EMC8: variants seen among roughly 807,000 people sequenced by gnomAD.
The protein encoded by EMC8 is COX4 neighbor.
In EMC8, 11 loss-of-function variants were observed where a neutral mutation model predicts 24.3. The observed-to-expected ratio is 0.45, with a 90% CI of 0.28 to 0.75. The LOEUF (loss-of-function observed/expected upper bound fraction) is 0.75, where lower values mean the gene tolerates loss of function less well. EMC8 is among the 30% of genes least tolerant of loss of function. EMC8 has a pLI of 0.12. For missense variants in EMC8, 277 were observed against 282.7 expected (o/e 0.98, Z 0.14); for synonymous variants, 145 against 117.7 (o/e 1.23, Z -1.50).
At chr16:85,795,276 C>T (rs996490707) in intron 1 of EMC8, among the ~76,000 whole-genome samples, 5 of 152,252 alleles carry the variant, frequency 3.3e-5, no homozygotes, top group Non-Finnish European at 7.3e-5. Flanking sequence ...CCAGCAGCCA[C>T]CACACCTTCT....
chr16:85,785,905 G>C (rs1371340360), intron 2 of EMC8, among the ~76,000 whole-genome samples: 1 of 152,254 alleles, frequency 6.6e-6, no homozygotes, highest in Non-Finnish European at 1.5e-5. Flanking sequence ...AGGGCTCTCT[G>C]CCGGGCACCG....
chr16:85,788,811 G>C, intron 2 of EMC8, 163 bp downstream of exon 2: 1 of 627,110 alleles, frequency 1.6e-6, no homozygotes. Flanking sequence ...TCTGTTGTTT[G>C]GAATTATCCA....
intron 3 of EMC8, chr16:85,780,799 C>T: frequency 2.2e-6 from 1 of 462,474 alleles, no homozygotes. Context: ...ACCTTCCTTC[C>T]CTGTGCCCCT....
Position 85,799,487 on chromosome 16 carries a change from C to G in EMC8, c.-192G>C. The G allele has an allele frequency of 2.5e-6, 1 of 400,984 alleles. No homozygotes were observed. The highest frequency in any genetic ancestry group is 2.1e-5 in the African/African-American group (1 of 47,964). The allele number at this position is 400,984 out of a possible 1,614,324, so 24.8% of individuals were successfully genotyped here. On this transcript the variant is annotated 5_prime_UTR_variant, in exon 1 of 5. Transcript: ENST00000253457. The surrounding 1 kb of genome is among the most constrained non-coding windows in gnomAD (Gnocchi z 4.2). ...GCTCCTGGAAAAGCGACTCGCGCCTCTGGGAAGCCGCAGCCCCAGACTCCA... is the reference window on the plus strand; with the variant it reads ...GCTCCTGGAAAAGCGACTCGCGCCTGTGGGAAGCCGCAGCCCCAGACTCCA...
intron 4 of EMC8, 79 bp from the exon 5 acceptor site, chr16:85,779,946 C>G: frequency 8.4e-7 from 1 of 1,191,644 alleles, no homozygotes; most frequent in South Asian, 1.3e-5. Context: ...AGAAGGCCAG[C>G]CACATGCACA....
In EMC8 at chr16:85,799,027, G is replaced by A. The variant is rs545020654; in HGVS notation, c.231+38C>T. On this transcript the variant is annotated intron_variant, in intron 1 of 4. Coordinates refer to ENST00000253457, the MANE Select transcript of EMC8 (RefSeq NM_006067.5). The surrounding 1 kb of genome is among the most constrained non-coding windows in gnomAD (Gnocchi z 4.2). Reference sequence around the variant, plus strand: ...CTCTCTGCTGACTGAGGGGAGGCCAGGCTGCCTGCAAGGGGAAGGGGCCCT... The same window carrying A: ...CTCTCTGCTGACTGAGGGGAGGCCAAGCTGCCTGCAAGGGGAAGGGGCCCT... 31 of 1,398,248 alleles carry A rather than the reference G, an allele frequency of 2.2e-5. No individual in the cohort carries two copies. In the East Asian group the frequency reaches 7.0e-4, roughly 32 times the overall value. 86.6% of individuals were successfully genotyped at this position (1,398,248 alleles called of 1,614,324 possible).
In EMC8 at chr16:85,790,665, C is replaced by T. The variant is rs552762779; in HGVS notation, c.232-1615G>A. Among the ~76,000 whole-genome samples, 8 of 152,264 alleles carry T rather than the reference C, an allele frequency of 5.3e-5. No homozygotes were observed. The South Asian group carries it at 1.7e-3, about 32-fold the overall frequency. On this transcript the variant is annotated intron_variant, in intron 1 of 4. Transcript: ENST00000253457. ...CCAGCCTTCATGTGCCATCATGGGC[C>T]GGCCTCCTGAGTGTGTCCTCCCCTA...
rs781163506 is a variant in EMC8, at chr16:85,799,250, G to A, written c.46C>T (p.Leu16=). 7.4e-6 allele frequency: 12 copies of A among 1,612,486 alleles called. No homozygotes were observed. Among genetic ancestry groups the A allele is most frequent in the Non-Finnish European group, 6.8e-6 (8 of 1,179,852 alleles). The change falls in exon 1 of 5, where the codon CTG becomes TTG. Residue 16 remains leucine, a synonymous_variant. Coordinates refer to ENST00000253457, the MANE Select transcript of EMC8 (RefSeq NM_006067.5). The surrounding 1 kb of genome is among the most constrained non-coding windows in gnomAD (Gnocchi z 4.2). ...CAGTGCGGGTACTTGGCGCCGTGCAGCACCATCTTGCAGTAGGCCTGGGTG... is the reference window on the plus strand; with the variant it reads ...CAGTGCGGGTACTTGGCGCCGTGCAACACCATCTTGCAGTAGGCCTGGGTG... ...LTTQAYCKMV[L]HGAKYPHCAV...
At chr16:85,782,802 C>A (rs1904570593) in intron 2 of EMC8, among the ~76,000 whole-genome samples, 1 of 152,180 alleles carries the variant, frequency 6.6e-6, no homozygotes, top group Admixed American at 6.5e-5. Context: ...GCAGGCCAGT[C>A]CATTTCCAGC....
intron 1 of EMC8, among the ~76,000 whole-genome samples, chr16:85,794,942 C>T (rs1233838484): frequency 6.6e-6 from 1 of 152,196 alleles, no homozygotes; most frequent in African/African-American, 2.4e-5. Context: ...GTCACTGTCC[C>T]CTCTGGGCAT....
At position 85,779,310 on chromosome 16, in the gene EMC8, C is replaced by T. The variant is rs969044923; in HGVS notation, c.*398G>A. ...AACAGGATAAAAACTCACAAACACA[C>T]TCATTGGAGTATAAGATGTGGGCTT... On this transcript the variant is annotated 3_prime_UTR_variant, in exon 5 of 5. Transcript: ENST00000253457. 23 of 164,582 alleles carry T rather than the reference C, an allele frequency of 1.4e-4. No individual in the cohort carries two copies. The highest frequency in any genetic ancestry group is 2.0e-4 in the Non-Finnish European group (15 of 76,668). The allele number at this position is 164,582 out of a possible 1,614,324, so 10.2% of individuals were successfully genotyped here.
chr16:85,794,280 G>C (rs1374724269), intron 1 of EMC8, among the ~76,000 whole-genome samples: 1 of 152,170 alleles, frequency 6.6e-6, no homozygotes, highest in Non-Finnish European at 1.5e-5. Flanking sequence ...TTTGTGGATG[G>C]ACTCCAGCTG....
At chr16:85,798,978 G>T in intron 1 of EMC8, 87 bp downstream of exon 1, 1 of 977,440 alleles carries the variant, frequency 1.0e-6, no homozygotes, top group Non-Finnish European at 1.5e-6. Context: ...GAGCCTGCTG[G>T]AGGGCGACCG....
At chr16:85,794,487 G>A (rs1177493535) in intron 1 of EMC8, among the ~76,000 whole-genome samples, 2 of 152,136 alleles carry the variant, frequency 1.3e-5, no homozygotes, top group Non-Finnish European at 2.9e-5. Flanking sequence ...TCAGGAGATC[G>A]AGACCCGCCT....
chr16:85,780,722 T>C, intron 3 of EMC8: 1 of 545,454 alleles, frequency 1.8e-6, no homozygotes, highest in Non-Finnish European at 3.3e-6. Flanking sequence ...TCTTCCCTCA[T>C]CCTAGGATTC....
rs748753378 is a variant in EMC8, at chr16:85,781,281, C to T, written c.309-1G>A. 6.8e-7 allele frequency: 1 copy of T among 1,478,466 alleles called. No individual in the cohort carries two copies. The highest frequency in any genetic ancestry group is 8.9e-7 in the Non-Finnish European group (1 of 1,119,694). 91.6% of individuals were successfully genotyped at this position (1,478,466 alleles called of 1,614,324 possible). A position where few individuals can be genotyped will look rare whatever the true frequency, so the allele number is the denominator to read the frequency against. Reference sequence around the variant, plus strand: ...CACCTTCTCTGCAACCTGGTTTGGACTGTCAAAGAAATAGGCTACCACATT... The same window carrying T: ...CACCTTCTCTGCAACCTGGTTTGGATTGTCAAAGAAATAGGCTACCACATT... On this transcript the variant is annotated splice_acceptor_variant, in intron 2 of 4. Transcript: ENST00000253457. LOFTEE classifies it high-confidence loss of function.
intron 1 of EMC8, among the ~76,000 whole-genome samples, chr16:85,795,136 C>T (rs374564783): frequency 3.9e-5 from 6 of 152,180 alleles, no homozygotes; most frequent in East Asian, 3.9e-4. Flanking sequence ...ATCCCATAGT[C>T]GGAACAGAAG....
In EMC8 at chr16:85,799,404, G is replaced by C; in HGVS notation, c.-109C>G. On this transcript the variant is annotated 5_prime_UTR_variant, in exon 1 of 5. It adds an upstream start codon to the 5' untranslated region. Transcript: ENST00000253457. This position sits in a 1 kb window ranked among gnomAD's most constrained non-coding sequence, Gnocchi z 4.2. Reference sequence around the variant, plus strand: ...GAAGCGGGACGAGGCGGCGGCGATTGATGGCGCGGCCGCGGGCTGGCGGGG... The same window carrying C: ...GAAGCGGGACGAGGCGGCGGCGATTCATGGCGCGGCCGCGGGCTGGCGGGG... The C allele has an allele frequency of 1.6e-6, 1 of 635,218 alleles. No homozygotes were observed. Among genetic ancestry groups the C allele is most frequent in the East Asian group, 3.5e-5 (1 of 28,532 alleles). 39.3% of individuals were successfully genotyped at this position (635,218 alleles called of 1,614,324 possible). A position where few individuals can be genotyped will look rare whatever the true frequency, so the allele number is the denominator to read the frequency against.
chr16:85,798,975 C>T (rs1905431349), intron 1 of EMC8, 90 bp downstream of exon 1: 2 of 950,358 alleles, frequency 2.1e-6, no homozygotes, highest in Non-Finnish European at 3.1e-6. Flanking sequence ...TAGGAGCCTG[C>T]TGGAGGGCGA....
Sources: allele counts gnomAD v4.1 joint callset (sites outside exome capture counted in the v4.1 genomes callset), GRCh38; gene constraint gnomAD v4.1.1; non-coding constraint Gnocchi (gnomAD v3.1); transcripts MANE v1.5; gene names NCBI Gene and HGNC (gene_info 2026-07-23, HGNC 2026-07-21).